BICC1: variants seen among roughly 807,000 people sequenced by gnomAD.
The protein encoded by BICC1 is BicC family RNA binding protein 1, also known as protein bicaudal C homolog 1.
A neutral mutation model predicts 111.0 loss-of-function variants in BICC1; 43 were observed. The observed-to-expected ratio is 0.39, with a 90% CI of 0.30 to 0.50. BICC1 has a LOEUF of 0.50. Among genes scored for constraint, BICC1 ranks in the 20% least tolerant of loss-of-function variants. BICC1 has a pLI of 0.88. For synonymous variants in BICC1, 467 were observed against 434.4 expected (o/e 1.07, Z -0.93); for missense variants, 1,091 against 1,203.2 (o/e 0.91, Z 1.38).
At chr10:58,694,903 G>T (rs1204592439) in intron 2 of BICC1, among the ~76,000 whole-genome samples, 1 of 152,078 alleles carries the variant, frequency 6.6e-6, no homozygotes, top group Non-Finnish European at 1.5e-5. Context: ...TAAGTATGTG[G>T]TGCCTTCTGC....
intron 3 of BICC1, among the ~76,000 whole-genome samples, chr10:58,712,126 A>C (rs945966267): frequency 6.6e-6 from 1 of 152,214 alleles, no homozygotes; most frequent in African/African-American, 2.4e-5. Flanking sequence ...GTACCATTAG[A>C]GTTGCAAATT....
rs765511807 is a variant in BICC1, at chr10:58,803,050, G to GTTAA, written c.2016-26_2016-23dup. 3.2e-6 allele frequency: 5 copies of GTTAA among 1,556,820 alleles called. No individual in the cohort carries two copies. In the Admixed American group the frequency reaches 5.8e-5, roughly 18 times the overall value. ...AGTACATTTGTATATATAGTGGAGT[G>GTTAA]TTAAATTCCACACTCTTATTTCACA... is the stretch of plus-strand genomic sequence containing the variant. On this transcript the variant is annotated intron_variant, in intron 14 of 20. Coordinates refer to ENST00000373886, the MANE Select transcript of BICC1 (RefSeq NM_001080512.3).
At chr10:58,715,513 TG>T in intron 3 of BICC1, 1 of 1,203,302 alleles carries the variant, frequency 8.3e-7, no homozygotes, top group Non-Finnish European at 1.2e-6. Context: ...CTCTCTGGCC[TG>T]GTTTCCCTCG....
intron 1 of BICC1, among the ~76,000 whole-genome samples, chr10:58,565,878 C>CT (rs949364435): frequency 2.6e-5 from 4 of 151,908 alleles, no homozygotes; most frequent in Admixed American, 2.0e-4. Context: ...TGCATAAGTT[C>CT]TTTAGTGGTG....
intron 1 of BICC1, among the ~76,000 whole-genome samples, chr10:58,585,991 G>A (rs1457489839): frequency 6.6e-6 from 1 of 152,092 alleles, no homozygotes; most frequent in Non-Finnish European, 1.5e-5. Flanking sequence ...CTCATTTTAA[G>A]TGTTTTCCTC....
intron 2 of BICC1, among the ~76,000 whole-genome samples, chr10:58,701,017 G>C (rs1264561413): frequency 6.6e-6 from 1 of 152,178 alleles, no homozygotes; most frequent in South Asian, 2.1e-4. Context: ...TTATGATAAA[G>C]GGGGCTCATG....
intron 3 of BICC1, among the ~76,000 whole-genome samples, chr10:58,741,730 T>C (rs35480480): frequency 0.05 from 7,591 of 152,236 alleles, 272 homozygotes; most frequent in Middle Eastern, 0.092. Context: ...AATCCCTTTA[T>C]ATTTAAACCC....
chr10:58,578,655 T>G (rs894940279), intron 1 of BICC1, among the ~76,000 whole-genome samples: 1 of 152,202 alleles, frequency 6.6e-6, no homozygotes, highest in East Asian at 1.9e-4. Context: ...CCCAAATGTA[T>G]GGTAAATTGA....
At chr10:58,687,353 G>C (rs1839767762) in intron 2 of BICC1, among the ~76,000 whole-genome samples, 1 of 152,222 alleles carries the variant, frequency 6.6e-6, no homozygotes, top group African/African-American at 2.4e-5. Context: ...TCTGTTCTCA[G>C]ATCTGAAACT....
intron 1 of BICC1, among the ~76,000 whole-genome samples, chr10:58,537,499 C>G (rs539060930): frequency 6.6e-6 from 1 of 151,854 alleles, no homozygotes. Context: ...ATAATAAAAG[C>G]CATCTATGAC....
At chr10:58,649,561 A>G (rs80122146) in intron 2 of BICC1, among the ~76,000 whole-genome samples, 3,494 of 152,222 alleles carry the variant, frequency 0.023, 146 homozygotes, top group African/African-American at 0.08. Context: ...AAAACTCTTC[A>G]ACTCCCACGA....
intron 3 of BICC1, among the ~76,000 whole-genome samples, chr10:58,754,768 G>A (rs1842096195): frequency 6.6e-6 from 1 of 151,550 alleles, no homozygotes; most frequent in Non-Finnish European, 1.5e-5. Flanking sequence ...GTATGTGTGT[G>A]TGTGTGTGTG....
intron 3 of BICC1, among the ~76,000 whole-genome samples, chr10:58,783,484 G>A (rs1842933637): frequency 4.6e-5 from 7 of 151,778 alleles, no homozygotes; most frequent in Admixed American, 4.6e-4. Context: ...ATGGGGGTGG[G>A]AGATCACAGT....
intron 1 of BICC1, among the ~76,000 whole-genome samples, chr10:58,537,633 A>G (rs972785111): frequency 1.3e-5 from 2 of 151,820 alleles, no homozygotes; most frequent in African/African-American, 2.4e-5. Flanking sequence ...AGTCCTAGCC[A>G]GAGCAATCAG....
At chr10:58,762,744 A>G (rs945574221) in intron 3 of BICC1, among the ~76,000 whole-genome samples, 3 of 151,884 alleles carry the variant, frequency 2.0e-5, no homozygotes, top group South Asian at 2.1e-4. Flanking sequence ...GAAAATTAAC[A>G]TCAGTTTTTA....
chr10:58,722,315 T>C (rs78340179), intron 3 of BICC1, among the ~76,000 whole-genome samples: 1 of 152,216 alleles, frequency 6.6e-6, no homozygotes, highest in Non-Finnish European at 1.5e-5. Context: ...CCCTGTGATC[T>C]ATTTTGAACC....
rs1842347646 is a variant in BICC1, at chr10:58,762,626, T to C, written c.308-22375T>C. On this transcript the variant is annotated intron_variant, in intron 3 of 20. Coordinates refer to ENST00000373886, the MANE Select transcript of BICC1 (RefSeq NM_001080512.3). ...GTCCTGCTGCAGGGAATATCCAGCC[T>C]GTATGCTTACACATGTGGACTGGTT... Among the ~76,000 whole-genome samples, 2 of 151,892 alleles carry C rather than the reference T, an allele frequency of 1.3e-5. 1 individual carries two copies. Among genetic ancestry groups the C allele is most frequent in the Non-Finnish European group, 2.9e-5 (2 of 68,014 alleles).
chr10:58,658,966 G>A (rs1163048139), intron 2 of BICC1, among the ~76,000 whole-genome samples: 1 of 140,926 alleles, frequency 7.1e-6, no homozygotes, highest in Non-Finnish European at 1.5e-5. Context: ...GATAGAACTA[G>A]GACATGTATC....
chr10:58,512,719 T>C (rs1424312782), upstream of BICC1, among the ~76,000 whole-genome samples: 2 of 151,812 alleles, frequency 1.3e-5, no homozygotes, highest in African/African-American at 4.8e-5. Context: ...GTGGTGTGTG[T>C]GTGCGCGCGC....
Sources: allele counts gnomAD v4.1 joint callset (sites outside exome capture counted in the v4.1 genomes callset), GRCh38; gene constraint gnomAD v4.1.1; transcripts MANE v1.5; gene names NCBI Gene and HGNC (gene_info 2026-07-23, HGNC 2026-07-21).